PTPRD: variants seen among roughly 807,000 people sequenced by gnomAD.
PTPRD encodes the protein receptor-type tyrosine-protein phosphatase delta.
A neutral mutation model predicts 214.5 loss-of-function variants in PTPRD; 34 were observed. The observed-to-expected ratio is 0.16, with a 90% confidence interval of 0.12 to 0.21. The LOEUF (loss-of-function observed/expected upper bound fraction) is 0.21, where lower values mean the gene tolerates loss of function less well. Ranked by LOEUF, PTPRD falls within the 10% of genes least tolerant of loss-of-function variation. The pLI, the probability that PTPRD is intolerant of heterozygous loss-of-function variation, is 1.00. For missense variants in PTPRD, 2,545 were observed against 2,398.7 expected (o/e 1.06, Z -1.27); for synonymous variants, 1,128 against 845.7 (o/e 1.33, Z -5.79).
chr9:8,668,042 C>T (rs1303059015), intron 12 of PTPRD, among the ~76,000 whole-genome samples: 1 of 152,080 alleles, frequency 6.6e-6, no homozygotes, highest in Non-Finnish European at 1.5e-5. Context: ...AAGTTGGTCA[C>T]TTTTAATTTT....
chr9:8,826,120 T>C (rs2097170198), intron 11 of PTPRD, among the ~76,000 whole-genome samples: 1 of 152,040 alleles, frequency 6.6e-6, no homozygotes, highest in Non-Finnish European at 1.5e-5. Flanking sequence ...CCTGTATCTG[T>C]CCTCAATTTC....
At chr9:9,726,606 C>A (rs2098096976) in intron 7 of PTPRD, among the ~76,000 whole-genome samples, 1 of 152,164 alleles carries the variant, frequency 6.6e-6, no homozygotes, top group Non-Finnish European at 1.5e-5. Flanking sequence ...TCTCAATCAT[C>A]TTCCACTATT....
intron 14 of PTPRD, among the ~76,000 whole-genome samples, chr9:8,530,834 G>A (rs1408991074): frequency 6.6e-6 from 1 of 152,074 alleles, no homozygotes; most frequent in African/African-American, 2.4e-5. Flanking sequence ...CTGAACAGAT[G>A]CAGTTATTGT....
chr9:9,515,790 G>C (rs571952763), intron 8 of PTPRD, among the ~76,000 whole-genome samples: 4 of 151,902 alleles, frequency 2.6e-5, no homozygotes, highest in South Asian at 4.2e-4. Context: ...GTGAGATAAA[G>C]GTGACTTTTT....
intron 9 of PTPRD, among the ~76,000 whole-genome samples, chr9:9,280,420 G>T (rs1190461270): frequency 6.6e-6 from 1 of 151,218 alleles, no homozygotes; most frequent in Admixed American, 6.6e-5. Flanking sequence ...ACCAGTAAGT[G>T]ATTATTGAAA....
intron 3 of PTPRD, among the ~76,000 whole-genome samples, chr9:10,158,040 ACCCTGTTG>A (rs1312790102): frequency 7.1e-6 from 1 of 141,586 alleles, no homozygotes; most frequent in Non-Finnish European, 1.6e-5. Context: ...ACAGAGTCTC[ACCCTGTTG>A]CCCAGGCTGG....
chr9:9,013,864 T>A (rs1485430664), intron 11 of PTPRD, among the ~76,000 whole-genome samples: 1 of 152,168 alleles, frequency 6.6e-6, no homozygotes, highest in Non-Finnish European at 1.5e-5. Context: ...AAAGGGCCTC[T>A]ACTGGCCTGA....
chr9:9,073,650 C>T (rs1421210624), intron 10 of PTPRD, among the ~76,000 whole-genome samples: 1 of 152,156 alleles, frequency 6.6e-6, no homozygotes, highest in Admixed American at 6.5e-5. Context: ...AGATGCAAGA[C>T]TCTTAACTGC....
At chr9:9,119,684 T>G (rs1349206182) in intron 10 of PTPRD, among the ~76,000 whole-genome samples, 1 of 151,992 alleles carries the variant, frequency 6.6e-6, no homozygotes, top group East Asian at 1.9e-4. Flanking sequence ...CCACCACACC[T>G]GGCTGATTTT....
At chr9:9,535,721 G>T (rs2076375176) in intron 8 of PTPRD, among the ~76,000 whole-genome samples, 1 of 152,000 alleles carries the variant, frequency 6.6e-6, no homozygotes, top group Non-Finnish European at 1.5e-5. Flanking sequence ...ACGTTAAAGG[G>T]CCTGGAAGTG....
At chr9:9,596,541 T>A (rs1161384119) in intron 7 of PTPRD, among the ~76,000 whole-genome samples, 1 of 152,018 alleles carries the variant, frequency 6.6e-6, no homozygotes, top group African/African-American at 2.4e-5. Context: ...ATATCATTTG[T>A]GATTTTAGCA....
intron 6 of PTPRD, among the ~76,000 whole-genome samples, chr9:9,760,743 G>A (rs568218171): frequency 6.6e-5 from 10 of 151,730 alleles, no homozygotes; most frequent in African/African-American, 2.4e-4. Context: ...CAAACTACAT[G>A]AAGATTTCAC....
chr9:10,540,292 T>C (rs1360496237), intron 2 of PTPRD, among the ~76,000 whole-genome samples: 1 of 152,124 alleles, frequency 6.6e-6, no homozygotes, highest in East Asian at 1.9e-4. Flanking sequence ...CCTCCCAGAG[T>C]GCTGGGATTG....
chr9:10,280,175 T>C (rs1027009140), intron 3 of PTPRD, among the ~76,000 whole-genome samples: 3 of 152,264 alleles, frequency 2.0e-5, no homozygotes, highest in Admixed American at 6.5e-5. Flanking sequence ...TGTTTTTGTT[T>C]ACCATTGTCT....
At chr9:9,085,604 T>C (rs1372477199) in intron 10 of PTPRD, among the ~76,000 whole-genome samples, 1 of 152,000 alleles carries the variant, frequency 6.6e-6, no homozygotes, top group Admixed American at 6.6e-5. Context: ...TATACTTCAT[T>C]GTGAGCCAAG....
At chr9:8,927,240 T>C (rs898612321) in intron 11 of PTPRD, among the ~76,000 whole-genome samples, 9 of 152,264 alleles carry the variant, frequency 5.9e-5, no homozygotes, top group African/African-American at 1.7e-4. Context: ...ATTTTTATTA[T>C]ACTTTAAGTT....
At chr9:9,570,326 A>G (rs2085971018) in intron 8 of PTPRD, among the ~76,000 whole-genome samples, 1 of 151,384 alleles carries the variant, frequency 6.6e-6, no homozygotes, top group Admixed American at 6.6e-5. Flanking sequence ...AGTTTCCACT[A>G]TTTTCCTTCA....
At chr9:9,512,762 G>A (rs566985900) in intron 8 of PTPRD, among the ~76,000 whole-genome samples, 1 of 151,596 alleles carries the variant, frequency 6.6e-6, no homozygotes, top group African/African-American at 2.4e-5. Context: ...TAATTTGACT[G>A]GCTCCATAGT....
At chr9:10,430,393 T>C (rs976608018) in intron 2 of PTPRD, among the ~76,000 whole-genome samples, 2 of 151,916 alleles carry the variant, frequency 1.3e-5, no homozygotes, top group African/African-American at 4.8e-5. Flanking sequence ...TAAATTACTT[T>C]ACGCGTGTGA....
Sources: gnomAD v4.1 joint callset for allele counts (sites outside exome capture counted in the v4.1 genomes callset) on GRCh38, gnomAD v4.1.1 for gene constraint, MANE v1.5 for transcripts, NCBI Gene and HGNC (gene_info 2026-07-23, HGNC 2026-07-21) for gene names.